Variants in NR2C2 observed in about 807,000 individuals in gnomAD.
NR2C2 encodes the protein Nuclear hormone receptor TR4.
NR2C2 carries 6 observed loss-of-function variants against 62.9 expected under a neutral mutation model. The ratio of observed to expected loss-of-function variants is 0.10; its 90% CI spans 0.05 to 0.19. NR2C2 has a LOEUF of 0.19. Ranked by LOEUF, NR2C2 falls within the 10% of genes least tolerant of loss-of-function variation. The probability of loss-of-function intolerance (pLI) is 1.00; values close to 1 mark genes in which losing one functional copy is unlikely to be tolerated. For missense variants in NR2C2, 479 were observed against 762.7 expected (o/e 0.63, Z 4.38); for synonymous variants, 272 against 273.8 (o/e 0.99, Z 0.07).
intron 1 of NR2C2, among the ~76,000 whole-genome samples, chr3:14,981,439 TA>T (rs768653304): frequency 1.3e-5 from 2 of 151,646 alleles, no homozygotes; most frequent in Non-Finnish European, 2.9e-5. Flanking sequence ...CCATCTCTGC[TA>T]AAAATACAAA....
At chr3:15,000,370 G>C (rs561694029) in intron 1 of NR2C2, among the ~76,000 whole-genome samples, 4 of 152,256 alleles carry the variant, frequency 2.6e-5, no homozygotes, top group African/African-American at 9.6e-5. Context: ...AGGCTGAATA[G>C]TATTCCATTG....
chr3:15,028,455 C>T (rs888062685), intron 7 of NR2C2, 131 bp from the exon 8 acceptor site: 49 of 719,878 alleles, frequency 6.8e-5, no homozygotes, highest in Admixed American at 1.1e-4. Context: ...AGATCTTCCT[C>T]GTGTTGCCCC....
intron 3 of NR2C2, among the ~76,000 whole-genome samples, chr3:15,015,594 TAGTAGCC>T (rs1419265304): frequency 6.6e-6 from 1 of 152,222 alleles, no homozygotes; most frequent in East Asian, 1.9e-4. Flanking sequence ...TGGGTGGTTG[TAGTAGCC>T]AGATAGAGTA....
In NR2C2 at chr3:15,044,957, A is replaced by G. The variant is rs373461734; in HGVS notation, c.*1949A>G. 1 of 152,226 alleles carries G rather than the reference A, an allele frequency of 6.6e-6. No individual in the cohort carries two copies. Among genetic ancestry groups the G allele is most frequent in the South Asian group, 2.1e-4 (1 of 4,834 alleles). The allele number at this position is 152,226 out of a possible 1,614,324, so 9.4% of individuals were successfully genotyped here. On this transcript the variant is annotated 3_prime_UTR_variant, in exon 14 of 14. Coordinates refer to ENST00000425241, the MANE Select transcript of NR2C2 (RefSeq NM_001291694.2). Reference sequence around the variant, plus strand: ...TTTTATAATTCTTGCCTTGGCAGCAAATTTTGGAGAGTAGTGGGAGTGGCC... The same window carrying G: ...TTTTATAATTCTTGCCTTGGCAGCAGATTTTGGAGAGTAGTGGGAGTGGCC...
At position 15,048,836 on chromosome 3, in the gene NR2C2, GTAACTGCATTACCAGC is replaced by G. The variant is rs1462291885; in HGVS notation, c.*5829_*5844del. The G allele has an allele frequency of 3.3e-5, 5 of 152,656 alleles. No homozygotes were observed. Among genetic ancestry groups the G allele is most frequent in the Non-Finnish European group, 7.3e-5 (5 of 68,044 alleles). 9.5% of individuals were successfully genotyped at this position (152,656 alleles called of 1,614,324 possible). A position where few individuals can be genotyped will look rare whatever the true frequency, so the allele number is the denominator to read the frequency against. On this transcript the variant is annotated 3_prime_UTR_variant, in exon 14 of 14. Transcript: ENST00000425241. ...GTAGTTTGGACTTCTCTGTTAGAAT[GTAACTGCATTACCAGC>G]CCTTTTAAAGGCATCTATCTATCAA...
At chr3:15,000,302 A>G (rs2040952678) in intron 1 of NR2C2, among the ~76,000 whole-genome samples, 1 of 152,174 alleles carries the variant, frequency 6.6e-6, no homozygotes, top group Non-Finnish European at 1.5e-5. Flanking sequence ...TTCACTTACC[A>G]TAATGTTCTC....
At chr3:14,997,286 A>G (rs1299444943) in intron 1 of NR2C2, among the ~76,000 whole-genome samples, 1 of 152,206 alleles carries the variant, frequency 6.6e-6, no homozygotes, top group African/African-American at 2.4e-5. Flanking sequence ...TATGCCATCT[A>G]GGTTTGTTGT....
At chr3:15,006,679 A>G (rs1353080753) in intron 2 of NR2C2, among the ~76,000 whole-genome samples, 1 of 152,056 alleles carries the variant, frequency 6.6e-6, no homozygotes, top group Non-Finnish European at 1.5e-5. Flanking sequence ...GCAGTTCCCA[A>G]GAAACTGTTC....
Position 15,039,243 on chromosome 3 carries a change from A to G in NR2C2, c.1616+16A>G, listed in dbSNP as rs890013885. On this transcript the variant is annotated intron_variant, in intron 13 of 13. Coordinates refer to ENST00000425241, the MANE Select transcript of NR2C2 (RefSeq NM_001291694.2). ...ACACCTACCGGTGAGGCATTCAGGC[A>G]TATGCGCTCTTGCTTGGGGCTGCAA... is the stretch of plus-strand genomic sequence containing the variant. 5.8e-6 allele frequency: 9 copies of G among 1,541,594 alleles called. No homozygotes were observed. Among genetic ancestry groups the G allele is most frequent in the Non-Finnish European group, 8.1e-6 (9 of 1,113,750 alleles).
At chr3:14,968,870 T>C (rs1559534340) in intron 1 of NR2C2, among the ~76,000 whole-genome samples, 1 of 144,302 alleles carries the variant, frequency 6.9e-6, no homozygotes. Flanking sequence ...TCATTCTCAG[T>C]AAACTATCGC....
intron 1 of NR2C2, among the ~76,000 whole-genome samples, chr3:14,973,449 GTC>G (rs1201403818): frequency 6.6e-6 from 1 of 152,120 alleles, no homozygotes; most frequent in Non-Finnish European, 1.5e-5. Flanking sequence ...GCCCAGGCTG[GTC>G]TTGAACTCCT....
chr3:14,956,245 A>C (rs368094213), intron 1 of NR2C2, among the ~76,000 whole-genome samples: 7 of 152,320 alleles, frequency 4.6e-5, no homozygotes, highest in African/African-American at 1.7e-4. Flanking sequence ...TATGATTGCA[A>C]GTTTCAAGCT....
chr3:14,969,355 G>T (rs2039969130), intron 1 of NR2C2, among the ~76,000 whole-genome samples: 2 of 146,722 alleles, frequency 1.4e-5, no homozygotes, highest in Admixed American at 1.4e-4. Flanking sequence ...CAATTTTCCC[G>T]CCTTAGCCTC....
chr3:14,983,226 T>G (rs925110541), intron 1 of NR2C2, among the ~76,000 whole-genome samples: 2 of 152,088 alleles, frequency 1.3e-5, no homozygotes, highest in African/African-American at 4.8e-5. Flanking sequence ...AACTATATTT[T>G]GTACCCATTA....
chr3:15,027,995 G>T (rs796154557), intron 7 of NR2C2, among the ~76,000 whole-genome samples: 27 of 151,792 alleles, frequency 1.8e-4, no homozygotes, highest in African/African-American at 5.6e-4. Context: ...AGTACCTGGG[G>T]TTACAGGCAC....
chr3:14,978,738 C>T (rs988516646), intron 1 of NR2C2, among the ~76,000 whole-genome samples: 7 of 152,192 alleles, frequency 4.6e-5, no homozygotes, highest in Non-Finnish European at 8.8e-5. Flanking sequence ...TGGTTTACTT[C>T]TGTGAAAACC....
At position 15,043,077 on chromosome 3, in the gene NR2C2, T is replaced by G; in HGVS notation, c.*69T>G. 2.1e-6 allele frequency: 3 copies of G among 1,425,432 alleles called. No homozygotes were observed. The highest frequency in any genetic ancestry group is 2.8e-6 in the Non-Finnish European group (3 of 1,056,538). The allele number at this position is 1,425,432 out of a possible 1,614,324, so 88.3% of individuals were successfully genotyped here. A position where few individuals can be genotyped will look rare whatever the true frequency, so the allele number is the denominator to read the frequency against. ...ACCGTTCACATACAAAGAAAAGTAG[T>G]GGTATTTTGGTATGTGCAAATATTT... On this transcript the variant is annotated 3_prime_UTR_variant, in exon 14 of 14. Transcript: ENST00000425241.
chr3:14,991,071 T>G (rs1264734570), intron 1 of NR2C2, among the ~76,000 whole-genome samples: 4 of 152,150 alleles, frequency 2.6e-5, no homozygotes, highest in South Asian at 2.1e-4. Flanking sequence ...GGGATTTTTG[T>G]TTTTTTGTGA....
In NR2C2 at chr3:15,048,366, C is replaced by G. The variant is rs1334294236; in HGVS notation, c.*5358C>G. The G allele has an allele frequency of 6.6e-6, 1 of 152,584 alleles. No homozygotes were observed. Among genetic ancestry groups the G allele is most frequent in the Non-Finnish European group, 1.5e-5 (1 of 68,038 alleles). 9.5% of individuals were successfully genotyped at this position (152,584 alleles called of 1,614,324 possible). On this transcript the variant is annotated 3_prime_UTR_variant, in exon 14 of 14. Transcript: ENST00000425241. ...CAGTCTCTAAATGAATTAAAAGTTT[C>G]CTTTGGGGCTATTTAGCTTAACAGC...
Sources: allele counts gnomAD v4.1 joint callset (sites outside exome capture counted in the v4.1 genomes callset), GRCh38; gene constraint gnomAD v4.1.1; transcripts MANE v1.5; gene names NCBI Gene and HGNC (gene_info 2026-07-23, HGNC 2026-07-21).